The following ARHGAP26 variants were observed in gnomAD, a reference collection of about 807,000 sequenced individuals.
The protein encoded by ARHGAP26 is rho GTPase-activating protein 26.
ARHGAP26 carries 38 observed loss-of-function variants against 104.8 expected under a neutral mutation model. The ratio of observed to expected loss-of-function variants is 0.36; its 90% CI spans 0.28 to 0.48. The LOEUF (loss-of-function observed/expected upper bound fraction) is 0.48. Among genes scored for constraint, ARHGAP26 ranks in the 20% least tolerant of loss-of-function variants. The pLI is 0.99. For missense variants in ARHGAP26, 704 were observed against 947.9 expected, an observed-to-expected ratio of 0.74 and a Z score of 3.38; for synonymous variants, 341 against 340.0, an observed-to-expected ratio of 1.00 and a Z score of -0.03.
At chr5:142,933,285 G>A (rs1598297670) in intron 11 of ARHGAP26, among the ~76,000 whole-genome samples, 1 of 152,244 alleles carries the variant, frequency 6.6e-6, no homozygotes, top group East Asian at 1.9e-4. Flanking sequence ...TTACATGTTA[G>A]GCACAGGACT....
At chr5:143,206,395 A>G (rs1320748098) in intron 20 of ARHGAP26, among the ~76,000 whole-genome samples, 1 of 152,268 alleles carries the variant, frequency 6.6e-6, no homozygotes, top group Non-Finnish European at 1.5e-5. Context: ...TCCACAAGCC[A>G]CGTTTCAGTG....
chr5:142,861,015 AC>A (rs1280597661), intron 1 of ARHGAP26, among the ~76,000 whole-genome samples: 4 of 152,174 alleles, frequency 2.6e-5, no homozygotes, highest in Admixed American at 2.6e-4. Flanking sequence ...GTGTTCAGAC[AC>A]GTTTTGAGAA....
chr5:143,006,293 C>T (rs1235612468), intron 11 of ARHGAP26, among the ~76,000 whole-genome samples: 1 of 150,960 alleles, frequency 6.6e-6, no homozygotes, highest in African/African-American at 2.4e-5. Flanking sequence ...TTGTCCTCAC[C>T]AACTCCACCT....
At chr5:143,210,351 C>T (rs149512674) in intron 21 of ARHGAP26, among the ~76,000 whole-genome samples, 46 of 152,134 alleles carry the variant, frequency 3.0e-4, no homozygotes, top group African/African-American at 9.9e-4. Context: ...CAGGAAAGAC[C>T]GTCCCCAGTG....
rs1786357526 is a variant in ARHGAP26 at position 143,059,417 on chromosome 5, A to C, written c.1538+1670A>C. Among the ~76,000 whole-genome samples, 4 of 152,218 alleles carry C rather than the reference A, an allele frequency of 2.6e-5. No individual in the cohort carries two copies. In the South Asian group the frequency reaches 8.3e-4, roughly 32 times the overall value. ...AGTGTTGCGTTTTTCCTACTTTTAA[A>C]TTTCCTTTAGGATTGTTAGGATTCT... On this transcript the variant is annotated intron_variant, in intron 17 of 22. Transcript: ENST00000645722.
intron 11 of ARHGAP26, among the ~76,000 whole-genome samples, chr5:142,990,976 A>G (rs1035230098): frequency 4.2e-4 from 64 of 151,924 alleles, no homozygotes; most frequent in African/African-American, 1.2e-3. Context: ...GAGAACCACT[A>G]CTCTCTTCAA....
intron 22 of ARHGAP26, among the ~76,000 whole-genome samples, chr5:143,217,169 G>T (rs1810465449): frequency 6.6e-6 from 1 of 152,148 alleles, no homozygotes; most frequent in Non-Finnish European, 1.5e-5. Flanking sequence ...TAAGAAGAAT[G>T]AATAAGGAAG....
intron 20 of ARHGAP26, among the ~76,000 whole-genome samples, chr5:143,154,602 G>A (rs1178600056): frequency 6.6e-6 from 1 of 152,132 alleles, no homozygotes; most frequent in Non-Finnish European, 1.5e-5. Flanking sequence ...ATCTGAGACT[G>A]GAGCTATAAC....
chr5:142,875,839 C>A (rs1202446277), intron 3 of ARHGAP26, among the ~76,000 whole-genome samples: 1 of 152,176 alleles, frequency 6.6e-6, no homozygotes, highest in African/African-American at 2.4e-5. Context: ...CTCCTGGGCT[C>A]AAGCGATCCT....
chr5:143,087,326 T>TTTGC (rs1214484345), intron 17 of ARHGAP26, among the ~76,000 whole-genome samples: 9 of 152,226 alleles, frequency 5.9e-5, no homozygotes, highest in Admixed American at 1.3e-4. Context: ...ATTAAAGGAA[T>TTTGC]TTGCCCTTCA....
At chr5:142,804,620 T>G (rs954152652) in intron 1 of ARHGAP26, among the ~76,000 whole-genome samples, 2 of 152,046 alleles carry the variant, frequency 1.3e-5, no homozygotes, top group African/African-American at 2.4e-5. Flanking sequence ...GCCTCCCGAG[T>G]AGCTGGGAAT....
chr5:143,177,417 G>A (rs560556618), intron 20 of ARHGAP26, among the ~76,000 whole-genome samples: 113 of 152,298 alleles, frequency 7.4e-4, no homozygotes, highest in Non-Finnish European at 1.2e-3. Flanking sequence ...GTGAAAACAG[G>A]ACTCATCGAA....
At chr5:142,938,269 A>G (rs1014162620) in intron 11 of ARHGAP26, among the ~76,000 whole-genome samples, 2 of 152,218 alleles carry the variant, frequency 1.3e-5, no homozygotes, top group Non-Finnish European at 2.9e-5. Context: ...AAAGTTAGCT[A>G]TTCAGATAGT....
At chr5:143,121,207 T>A in intron 18 of ARHGAP26, 60 bp downstream of exon 18, 1 of 1,554,506 alleles carries the variant, frequency 6.4e-7, no homozygotes, top group Non-Finnish European at 8.8e-7. Flanking sequence ...TGCATTGGAA[T>A]TGACCTTCAG....
intron 11 of ARHGAP26, among the ~76,000 whole-genome samples, chr5:142,968,861 T>C (rs1771808769): frequency 1.3e-5 from 2 of 152,382 alleles, no homozygotes; most frequent in African/African-American, 2.4e-5. Flanking sequence ...TCAACAAATA[T>C]TTGTTTAATG....
At chr5:142,867,239 A>T (rs890204129) in intron 1 of ARHGAP26, among the ~76,000 whole-genome samples, 2 of 151,944 alleles carry the variant, frequency 1.3e-5, no homozygotes, top group East Asian at 3.9e-4. Context: ...TGTCACGGAA[A>T]CGAGAAAAAT....
At chr5:143,074,539 C>T (rs1161348486) in intron 17 of ARHGAP26, among the ~76,000 whole-genome samples, 2 of 152,170 alleles carry the variant, frequency 1.3e-5, no homozygotes, top group African/African-American at 2.4e-5. Context: ...TACTTCATGA[C>T]ACATGAACAT....
In ARHGAP26 at chr5:143,223,291, A is replaced by G. The variant is rs972741300; in HGVS notation, c.*845A>G. ...TTCTAACAACTTGAAGCACAGGATC[A>G]AGGAATTAGGGTGGTCTACTTGAGG... On this transcript the variant is annotated 3_prime_UTR_variant, in exon 23 of 23. Transcript: ENST00000645722. The G allele has an allele frequency of 2.1e-5, 5 of 233,016 alleles. No homozygotes were observed. The highest frequency in any genetic ancestry group is 1.1e-4 in the Admixed American group (2 of 17,760). 14.4% of individuals were successfully genotyped at this position (233,016 alleles called of 1,614,324 possible).
chr5:142,882,443 A>G (rs1757138181), intron 4 of ARHGAP26, among the ~76,000 whole-genome samples: 1 of 152,262 alleles, frequency 6.6e-6, no homozygotes, highest in Admixed American at 6.5e-5. Context: ...GCTCTGTGCC[A>G]GCACTGTTCT....
Sources: allele counts gnomAD v4.1 joint callset (sites outside exome capture counted in the v4.1 genomes callset), GRCh38; gene constraint gnomAD v4.1.1; transcripts MANE v1.5; gene names NCBI Gene and HGNC (gene_info 2026-07-23, HGNC 2026-07-21).